KCNJ12: variants seen among roughly 807,000 people sequenced by gnomAD.
KCNJ12 encodes the protein potassium inwardly rectifying channel subfamily J member 12, also known as ATP-sensitive inward rectifier potassium channel 12.
A neutral mutation model predicts 22.3 loss-of-function variants in KCNJ12; 2 were observed. That is an observed-to-expected ratio of 0.09 (90% confidence interval 0.04 to 0.28). The LOEUF (loss-of-function observed/expected upper bound fraction) is 0.28, where lower values mean the gene tolerates loss of function less well. KCNJ12 is among the 10% of genes least tolerant of loss of function. The pLI, the probability that KCNJ12 is intolerant of heterozygous loss-of-function variation, is 1.00. For missense variants in KCNJ12, 155 were observed against 633.3 expected (o/e 0.24, Z 8.11); for synonymous variants, 117 against 261.4 (o/e 0.45, Z 5.33).
intron 1 of KCNJ12, among the ~76,000 whole-genome samples, chr17:21,402,710 C>G (rs1262661721): frequency 6.6e-6 from 1 of 152,310 alleles, no homozygotes; most frequent in Non-Finnish European, 1.5e-5. Context: ...AAGAAAGCAA[C>G]TGTAACGTGC....
chr17:21,385,018 G>A (rs1337410181), intron 1 of KCNJ12, among the ~76,000 whole-genome samples: 6 of 151,758 alleles, frequency 4.0e-5, no homozygotes, highest in African/African-American at 7.3e-5. Context: ...CTCGTGATCC[G>A]CCCGCCTCAG....
chr17:21,393,847 T>C (rs1905268131), intron 1 of KCNJ12, among the ~76,000 whole-genome samples: 3 of 152,246 alleles, frequency 2.0e-5, no homozygotes, highest in Admixed American at 2.0e-4. Context: ...GCCAGTGGCC[T>C]GAGGCTGAGT....
intron 1 of KCNJ12, among the ~76,000 whole-genome samples, chr17:21,389,043 A>C (rs891661439): frequency 9.9e-5 from 15 of 152,122 alleles, no homozygotes; most frequent in Admixed American, 1.3e-4. Context: ...CACCTCTCTG[A>C]ACCTCATTTC....
chr17:21,415,262 A>G, intron 2 of KCNJ12, 25 bp from the exon 3 acceptor site: 3 of 1,545,402 alleles, frequency 1.9e-6, no homozygotes, highest in Non-Finnish European at 2.6e-6. Flanking sequence ...CAGCCCAGCC[A>G]GACATGCTGT....
chr17:21,416,495 A>G lies in KCNJ12; in HGVS notation c.1153A>G (p.Ser385Gly). Residue 385 changes from serine (S) to glycine (G), a missense_variant, in exon 3 of 3, where the codon AGC becomes GGC. Transcript: ENST00000583088. ...CTACGAGAACGAGCTGGCCTTCCTG[A>G]GCCGTGACGAGGAGGATGAGGCGGA... ...FCYENELAFLSRDEEDEADGD... is the reference protein window; with the variant it reads ...FCYENELAFLGRDEEDEADGD... The G allele has an allele frequency of 6.2e-7, 1 of 1,613,834 alleles. No individual in the cohort carries two copies. Among genetic ancestry groups the G allele is most frequent in the Non-Finnish European group, 8.5e-7 (1 of 1,180,040 alleles).
At position 21,412,492 on chromosome 17, in the gene KCNJ12, A is replaced by G. The variant is rs1404023741; in HGVS notation, c.-56-2795A>G. On this transcript the variant is annotated intron_variant, in intron 2 of 2. Transcript: ENST00000583088. ...AGCCATGACCCGCTGGAAGTCCCTC[A>G]AGGCCCCTGGGCCACACAAATCCAG... is the stretch of plus-strand genomic sequence containing the variant. Among the ~76,000 whole-genome samples the G allele has an allele frequency of 2.6e-5, 4 of 152,306 alleles. No homozygotes were observed. In the East Asian group the frequency reaches 7.7e-4, roughly 29 times the overall value.
chr17:21,386,396 C>T (rs1230403329), intron 1 of KCNJ12, among the ~76,000 whole-genome samples: 1 of 152,230 alleles, frequency 6.6e-6, no homozygotes, highest in African/African-American at 2.4e-5. Flanking sequence ...CTCACTGCAA[C>T]CTGGAACTCA....
At chr17:21,406,842 C>T (rs1457009940) in intron 1 of KCNJ12, among the ~76,000 whole-genome samples, 4 of 152,306 alleles carry the variant, frequency 2.6e-5, no homozygotes, top group African/African-American at 9.6e-5. Context: ...AACTCCCTGG[C>T]TGGGAGGTGC....
intron 1 of KCNJ12, among the ~76,000 whole-genome samples, chr17:21,405,918 A>G (rs1306851254): frequency 6.6e-6 from 1 of 152,418 alleles, no homozygotes; most frequent in Non-Finnish European, 1.5e-5. Context: ...TGTAGAATAG[A>G]GCTAATTTTG....
At chr17:21,407,686 TC>T (rs1340745544) in intron 1 of KCNJ12, among the ~76,000 whole-genome samples, 26 of 151,846 alleles carry the variant, frequency 1.7e-4, no homozygotes, top group Admixed American at 3.3e-4. Context: ...CTTCTGTTCA[TC>T]CATCCATCCA....
At chr17:21,400,892 G>A (rs1389490037) in intron 1 of KCNJ12, among the ~76,000 whole-genome samples, 1 of 152,304 alleles carries the variant, frequency 6.6e-6, no homozygotes, top group African/African-American at 2.4e-5. Context: ...GCAAGACCCG[G>A]TGGCAGCCGT....
chr17:21,382,140 C>G (rs1161959900), intron 1 of KCNJ12, among the ~76,000 whole-genome samples: 2 of 152,218 alleles, frequency 1.3e-5, no homozygotes, highest in African/African-American at 2.4e-5. Context: ...GGCCCCTACT[C>G]TGGGTGGAGT....
At chr17:21,402,619 C>T (rs1165698561) in intron 1 of KCNJ12, among the ~76,000 whole-genome samples, 18 of 152,304 alleles carry the variant, frequency 1.2e-4, no homozygotes, top group East Asian at 9.6e-4. Flanking sequence ...AACCCCAGAG[C>T]CCTGAGAGTC....
chr17:21,412,024 T>A (rs1326352665), intron 2 of KCNJ12, among the ~76,000 whole-genome samples: 1 of 151,632 alleles, frequency 6.6e-6, no homozygotes, highest in Non-Finnish European at 1.5e-5. Flanking sequence ...TCTCTCTCTC[T>A]CTCTCACACA....
chr17:21,383,939 A>G (rs1904977143), intron 1 of KCNJ12, among the ~76,000 whole-genome samples: 1 of 152,134 alleles, frequency 6.6e-6, no homozygotes, highest in Non-Finnish European at 1.5e-5. Context: ...TAAGAGTGTT[A>G]TGTGCTCACA....
intron 1 of KCNJ12, among the ~76,000 whole-genome samples, chr17:21,389,566 T>G (rs1905158518): frequency 1.3e-5 from 2 of 152,096 alleles, no homozygotes; most frequent in Admixed American, 1.3e-4. Flanking sequence ...ACTCACTCAT[T>G]CACTTAACTT....
At chr17:21,384,424 G>A (rs1383587877) in intron 1 of KCNJ12, among the ~76,000 whole-genome samples, 5 of 152,066 alleles carry the variant, frequency 3.3e-5, no homozygotes, top group African/African-American at 4.8e-5. Flanking sequence ...CCGAGTCCTC[G>A]CCTGGGTGCC....
chr17:21,384,898 G>A (rs1235203818), intron 1 of KCNJ12, among the ~76,000 whole-genome samples: 5 of 151,288 alleles, frequency 3.3e-5, no homozygotes, highest in African/African-American at 7.3e-5. Context: ...TCAGCCTCCC[G>A]AGTAGCTGGG....
intron 1 of KCNJ12, among the ~76,000 whole-genome samples, chr17:21,381,972 G>A (rs1023423325): frequency 6.6e-6 from 1 of 152,196 alleles, no homozygotes; most frequent in Admixed American, 6.5e-5. Context: ...AGCATTGTCA[G>A]CCCATTCTGC....
Sources: allele counts gnomAD v4.1 joint callset (sites outside exome capture counted in the v4.1 genomes callset), GRCh38; gene constraint gnomAD v4.1.1; transcripts MANE v1.5; gene names NCBI Gene and HGNC (gene_info 2026-07-23, HGNC 2026-07-21).